The following APBB2 variants were observed in gnomAD, a reference collection of about 807,000 sequenced individuals.
APBB2 encodes the protein Fe65-like 1.
A neutral mutation model predicts 82.5 loss-of-function variants in APBB2; 38 were observed. The observed-to-expected ratio is 0.46, with a 90% confidence interval of 0.36 to 0.60. The LOEUF (loss-of-function observed/expected upper bound fraction) is 0.60. Among genes scored for constraint, APBB2 ranks in the 20% least tolerant of loss-of-function variants. The pLI is 0.00. For missense variants in APBB2, 772 were observed against 972.3 expected, an observed-to-expected ratio of 0.79 and a Z score of 2.74; for synonymous variants, 341 against 368.2, an observed-to-expected ratio of 0.93 and a Z score of 0.85.
At chr4:40,904,303 A>C (rs961200758) in intron 10 of APBB2, among the ~76,000 whole-genome samples, 3 of 152,038 alleles carry the variant, frequency 2.0e-5, no homozygotes, top group African/African-American at 7.2e-5. Flanking sequence ...TGGTGGCACA[A>C]GCTTGTAGTG....
chr4:40,904,399 C>A (rs917839722), intron 10 of APBB2, among the ~76,000 whole-genome samples: 4 of 151,716 alleles, frequency 2.6e-5, no homozygotes, highest in African/African-American at 9.7e-5. Context: ...CCACTGCACT[C>A]CAGCCTGGGT....
intron 1 of APBB2, among the ~76,000 whole-genome samples, chr4:41,207,217 A>C (rs977388019): frequency 2.0e-5 from 3 of 151,638 alleles, no homozygotes; most frequent in African/African-American, 7.3e-5. Context: ...AAAAAAAAAA[A>C]AAAAAAAAGG....
intron 6 of APBB2, among the ~76,000 whole-genome samples, chr4:40,982,512 T>A (rs961192136): frequency 1.4e-4 from 21 of 149,470 alleles, no homozygotes; most frequent in Non-Finnish European, 3.0e-5. Context: ...CAGCTCCCAA[T>A]GTAGCAAAAC....
chr4:41,058,374 T>C (rs1288034426), intron 4 of APBB2, among the ~76,000 whole-genome samples: 1 of 152,024 alleles, frequency 6.6e-6, no homozygotes, highest in African/African-American at 2.4e-5. Flanking sequence ...CAGTGAAAGA[T>C]AAATACATAG....
intron 17 of APBB2, among the ~76,000 whole-genome samples, chr4:40,821,352 C>T (rs1381655960): frequency 3.3e-5 from 5 of 152,224 alleles, no homozygotes; most frequent in Non-Finnish European, 5.9e-5. Context: ...TACCGACAAG[C>T]CCTGAGGCCC....
intron 12 of APBB2, among the ~76,000 whole-genome samples, chr4:40,862,610 C>G (rs1159630313): frequency 6.6e-6 from 1 of 152,192 alleles, no homozygotes; most frequent in Non-Finnish European, 1.5e-5. Context: ...CCTGTAATCC[C>G]AGAACTTCGG....
chr4:40,923,944 T>C (rs903794880), intron 10 of APBB2, among the ~76,000 whole-genome samples: 3 of 152,170 alleles, frequency 2.0e-5, no homozygotes, highest in Non-Finnish European at 4.4e-5. Flanking sequence ...GAAAACAGTT[T>C]TAGAAACACA....
In APBB2 at chr4:41,137,323, C is replaced by CT. The variant is rs1200025457; in HGVS notation, c.-261+5663dup. On this transcript the variant is annotated intron_variant, in intron 2 of 17. Transcript: ENST00000508593. ...AGACAGAGGTAATGAAAAACTTAAT[C>CT]TTTTTTTTTCCAAATGCAGAACAGG... Among the ~76,000 whole-genome samples the CT allele has an allele frequency of 1.8e-4, 28 of 151,608 alleles. No homozygotes were observed. The South Asian group carries it at 5.2e-3, about 28-fold the overall frequency.
chr4:40,926,649 C>T (rs928313524), intron 10 of APBB2, among the ~76,000 whole-genome samples: 5 of 152,104 alleles, frequency 3.3e-5, no homozygotes, highest in Admixed American at 6.5e-5. Flanking sequence ...ACAAGAGTTC[C>T]GTCATGTTGG....
intron 5 of APBB2, among the ~76,000 whole-genome samples, chr4:41,023,849 CAA>C (rs557580612): frequency 5.9e-5 from 9 of 151,966 alleles, no homozygotes; most frequent in African/African-American, 7.2e-5. Context: ...CATATGGAAC[CAA>C]AAAAAGAGTC....
chr4:40,926,925 C>G (rs2154371153), intron 10 of APBB2, among the ~76,000 whole-genome samples: 1 of 152,308 alleles, frequency 6.6e-6, no homozygotes, highest in Non-Finnish European at 1.5e-5. Context: ...CACGTAAGTG[C>G]CTGGCAGAGG....
At chr4:40,918,436 G>A (rs1272558210) in intron 10 of APBB2, among the ~76,000 whole-genome samples, 1 of 152,204 alleles carries the variant, frequency 6.6e-6, no homozygotes, top group Non-Finnish European at 1.5e-5. Context: ...AAAAGATTTG[G>A]GGGAAAATGT....
chr4:41,201,125 C>T (rs1186677407), intron 1 of APBB2, among the ~76,000 whole-genome samples: 1 of 152,218 alleles, frequency 6.6e-6, no homozygotes, highest in Admixed American at 6.5e-5. Context: ...TCATTAAACA[C>T]TGACCTTTAT....
intron 1 of APBB2, among the ~76,000 whole-genome samples, chr4:41,206,326 A>G (rs1008637639): frequency 6.6e-6 from 1 of 152,182 alleles, no homozygotes; most frequent in African/African-American, 2.4e-5. Context: ...CTCCACTCCC[A>G]TCACACACAT....
chr4:40,975,347 G>C (rs770066887), intron 6 of APBB2, among the ~76,000 whole-genome samples: 1 of 152,088 alleles, frequency 6.6e-6, no homozygotes, highest in Non-Finnish European at 1.5e-5. Flanking sequence ...TTCTCAAAAG[G>C]CTTTCACCCT....
rs114199212 is a variant in APBB2, at chr4:40,876,347, G to A, written c.1529+14017C>T. Among the ~76,000 whole-genome samples the A allele has an allele frequency of 5.5e-3, 830 of 152,232 alleles. 11 individuals carry two copies. Among genetic ancestry groups the A allele is most frequent in the African/African-American group, 0.019 (785 of 41,526 alleles). On this transcript the variant is annotated intron_variant, in intron 12 of 17. Transcript: ENST00000508593. ...AACTCTCAAAGATTCTTCCTGCCTC[G>A]TTATAATCCCTGCCTTCTGTCCTTT...
chr4:41,213,220 A>G (rs1779769139), intron 1 of APBB2, among the ~76,000 whole-genome samples: 1 of 152,152 alleles, frequency 6.6e-6, no homozygotes, highest in Non-Finnish European at 1.5e-5. Flanking sequence ...AAGTTTCCTC[A>G]TTCCTTGGAA....
At chr4:40,982,265 A>AGAAGGAAGGAAG in intron 6 of APBB2, among the ~76,000 whole-genome samples, 1 of 28,718 alleles carries the variant, frequency 3.5e-5, no homozygotes, top group Middle Eastern at 9.6e-3. Context: ...AAAGAAAGAA[A>AGAAGGAAGGAAG]GAAAGAAAGA....
intron 12 of APBB2, among the ~76,000 whole-genome samples, chr4:40,885,785 C>T (rs1472855128): frequency 1.3e-5 from 2 of 152,160 alleles, no homozygotes; most frequent in African/African-American, 4.8e-5. Context: ...GAAGTGTGTT[C>T]CATGTGATTG....
Sources: gnomAD v4.1 joint callset for allele counts (sites outside exome capture counted in the v4.1 genomes callset) on GRCh38, gnomAD v4.1.1 for gene constraint, MANE v1.5 for transcripts, NCBI Gene and HGNC (gene_info 2026-07-23, HGNC 2026-07-21) for gene names.